The following CABCOCO1 variants were observed in gnomAD, a reference collection of about 807,000 sequenced individuals.
CABCOCO1 encodes the protein ciliary-associated calcium-binding coiled-coil protein 1.
A neutral mutation model predicts 35.7 loss-of-function variants in CABCOCO1; 28 were observed. The ratio of observed to expected loss-of-function variants is 0.78; its 90% CI spans 0.58 to 1.07. CABCOCO1 has a LOEUF of 1.07. Ranked by LOEUF, CABCOCO1 falls within the 50% of genes least tolerant of loss-of-function variation. CABCOCO1 has a pLI of 0.00. For synonymous variants in CABCOCO1, 95 were observed against 100.1 expected, an observed-to-expected ratio of 0.95 and a Z score of 0.30; for missense variants, 326 against 309.2, an observed-to-expected ratio of 1.05 and a Z score of -0.41.
intron 1 of CABCOCO1, among the ~76,000 whole-genome samples, chr10:61,672,226 A>G (rs1839382059): frequency 6.6e-6 from 1 of 152,164 alleles, no homozygotes; most frequent in East Asian, 1.9e-4. Flanking sequence ...TGCCGCATGT[A>G]TTATGGCTTA....
chr10:61,707,279 A>G (rs2132024197), intron 5 of CABCOCO1, among the ~76,000 whole-genome samples: 1 of 152,274 alleles, frequency 6.6e-6, no homozygotes, highest in South Asian at 2.1e-4. Context: ...CACTCAGGAT[A>G]CGGGACTTGA....
chr10:61,689,931 C>T lies in CABCOCO1; in HGVS notation c.480-618C>T, dbSNP rs867222373. On this transcript the variant is annotated intron_variant, in intron 4 of 7. Coordinates refer to ENST00000648843, the MANE Select transcript of CABCOCO1 (RefSeq NM_001366906.2). ...TTTATAGTTTTTGTATGCTGACCAC[C>T]TAGTCTTTAGGGTAAGAACTGAAGA... 1.1e-4 allele frequency among the ~76,000 whole-genome samples: 16 copies of T among 152,228 alleles called. No homozygotes were observed. In the South Asian group the frequency reaches 2.7e-3, roughly 26 times the overall value.
At chr10:61,765,236 G>A (rs1341222254) in intron 7 of CABCOCO1, among the ~76,000 whole-genome samples, 1 of 152,116 alleles carries the variant, frequency 6.6e-6, no homozygotes, top group African/African-American at 2.4e-5. Context: ...GTGAAAAAGG[G>A]AAGACATTTC....
intron 4 of CABCOCO1, 70 bp downstream of exon 4, chr10:61,686,255 G>C: frequency 7.5e-7 from 1 of 1,329,072 alleles, no homozygotes; most frequent in Non-Finnish European, 1.0e-6. Flanking sequence ...TAAGTAAAAA[G>C]TAATTCAGTT....
intron 1 of CABCOCO1, among the ~76,000 whole-genome samples, chr10:61,669,123 T>C (rs2131949542): frequency 6.6e-6 from 1 of 152,034 alleles, no homozygotes; most frequent in Non-Finnish European, 1.5e-5. Flanking sequence ...ATCTGTTATC[T>C]TTCTTTTGGT....
chr10:61,663,301 T>C (rs1488105166), intron 1 of CABCOCO1: 1 of 153,118 alleles, frequency 6.5e-6, no homozygotes, highest in Admixed American at 6.5e-5. Context: ...ATTCTTCCAT[T>C]GGACGGCTCC....
intron 5 of CABCOCO1, among the ~76,000 whole-genome samples, chr10:61,727,041 A>G (rs10740050): frequency 0.66 from 99,740 of 151,876 alleles, 34,236 homozygotes; most frequent in Middle Eastern, 0.84. Flanking sequence ...CAGCCTGGGC[A>G]ACACAGTGAG....
chr10:61,700,183 G>C (rs2132012640), intron 5 of CABCOCO1, among the ~76,000 whole-genome samples: 1 of 152,060 alleles, frequency 6.6e-6, no homozygotes, highest in Admixed American at 6.6e-5. Context: ...AAGACTGTAA[G>C]ATACCAGAGG....
chr10:61,680,234 C>T (rs1353590159), intron 2 of CABCOCO1, among the ~76,000 whole-genome samples: 1 of 149,838 alleles, frequency 6.7e-6, no homozygotes, highest in African/African-American at 2.5e-5. Flanking sequence ...ATCGCTTGAA[C>T]TGGAGAGGCA....
intron 4 of CABCOCO1, among the ~76,000 whole-genome samples, chr10:61,688,684 A>T (rs1379382576): frequency 6.6e-6 from 1 of 152,228 alleles, no homozygotes; most frequent in Non-Finnish European, 1.5e-5. Context: ...CCAAAATAAG[A>T]AAATCAACCC....
chr10:61,687,357 C>T (rs937729642), intron 4 of CABCOCO1, among the ~76,000 whole-genome samples: 3 of 152,196 alleles, frequency 2.0e-5, no homozygotes, highest in Non-Finnish European at 4.4e-5. Flanking sequence ...TCCTCAAGGT[C>T]TTTCTACCCA....
At chr10:61,729,942 C>T (rs1841262340) in intron 5 of CABCOCO1, among the ~76,000 whole-genome samples, 1 of 152,018 alleles carries the variant, frequency 6.6e-6, no homozygotes, top group African/African-American at 2.4e-5. Flanking sequence ...TGGGGAGTTA[C>T]TGATCAATGG....
chr10:61,665,698 T>C (rs1839148222), intron 1 of CABCOCO1, among the ~76,000 whole-genome samples: 1 of 151,802 alleles, frequency 6.6e-6, no homozygotes, highest in African/African-American at 2.4e-5. Context: ...CCATCCTGGC[T>C]AACACGGTGA....
chr10:61,744,015 G>C (rs1401431934), intron 5 of CABCOCO1, among the ~76,000 whole-genome samples: 5 of 152,166 alleles, frequency 3.3e-5, no homozygotes. Context: ...TCAAAAGTCA[G>C]AGCCTTTGTG....
intron 2 of CABCOCO1, among the ~76,000 whole-genome samples, chr10:61,680,466 T>C (rs1029516194): frequency 2.6e-5 from 3 of 114,902 alleles, no homozygotes; most frequent in African/African-American, 1.0e-4. Context: ...ATAACATATA[T>C]AATATATATT....
At chr10:61,734,734 A>T (rs969497417) in intron 5 of CABCOCO1, among the ~76,000 whole-genome samples, 1 of 152,114 alleles carries the variant, frequency 6.6e-6, no homozygotes, top group African/African-American at 2.4e-5. Context: ...TAAAGAAGTA[A>T]GTGGAGCGCT....
intron 2 of CABCOCO1, among the ~76,000 whole-genome samples, chr10:61,680,317 A>ATAT (rs768186050): frequency 0.061 from 8,595 of 140,414 alleles, 445 homozygotes; most frequent in East Asian, 0.17. Context: ...TCTCAAAAAA[A>ATAT]ATATATATAT....
intron 2 of CABCOCO1, 146 bp from the exon 3 acceptor site, chr10:61,680,997 T>C: frequency 2.9e-6 from 1 of 347,464 alleles, no homozygotes; most frequent in African/African-American, 2.2e-5. Context: ...CTTTTTTGAA[T>C]GTCATTTTGG....
chr10:61,696,958 CA>C lies in CABCOCO1; in HGVS notation c.552+6343del, dbSNP rs1290747600. Reference sequence around the variant, plus strand: ...AACCTTAATAGTTATCAAGGACCTGCAAAAAATATGTATTTCTTAAATATAA... The same window carrying C: ...AACCTTAATAGTTATCAAGGACCTGCAAAAATATGTATTTCTTAAATATAA... On this transcript the variant is annotated intron_variant, in intron 5 of 7. Transcript: ENST00000648843. 1.7e-4 allele frequency among the ~76,000 whole-genome samples: 26 copies of C among 152,000 alleles called. No individual in the cohort carries two copies. The East Asian group carries it at 4.3e-3, about 25-fold the overall frequency.
Sources: allele counts gnomAD v4.1 joint callset (sites outside exome capture counted in the v4.1 genomes callset), GRCh38; gene constraint gnomAD v4.1.1; transcripts MANE v1.5; gene names NCBI Gene and HGNC (gene_info 2026-07-23, HGNC 2026-07-21).